The following PRKG1 variants were observed in gnomAD, a reference collection of about 807,000 sequenced individuals.
PRKG1 encodes cGMP-dependent protein kinase 1.
PRKG1 carries 35 observed loss-of-function variants against 88.1 expected under a neutral mutation model. That is an observed-to-expected ratio of 0.40 (90% CI 0.30 to 0.53). The LOEUF is 0.53. Ranked by LOEUF, PRKG1 falls within the 20% of genes least tolerant of loss-of-function variation. The probability of loss-of-function intolerance (pLI) is 0.59; values close to 1 mark genes in which losing one functional copy is unlikely to be tolerated. For missense variants in PRKG1, 540 were observed against 839.8 expected, an observed-to-expected ratio of 0.64 and a Z score of 4.41; for synonymous variants, 303 against 292.5, an observed-to-expected ratio of 1.04 and a Z score of -0.37.
At position 51,417,530 on chromosome 10, in the gene PRKG1, A is replaced by G. The variant is rs530785986; in HGVS notation, c.479-50193A>G. Among the ~76,000 whole-genome samples, 374 of 152,344 alleles carry G rather than the reference A, an allele frequency of 2.5e-3. 1 individual carries two copies. Among genetic ancestry groups the G allele is most frequent in the Non-Finnish European group, 3.9e-3 (263 of 68,038 alleles). Reference sequence around the variant, plus strand: ...CAGGTATGTAGGTATAAAATTCACCACTTCTGTGATTAAGGTCATAAAATG... The same window carrying G: ...CAGGTATGTAGGTATAAAATTCACCGCTTCTGTGATTAAGGTCATAAAATG... On this transcript the variant is annotated intron_variant, in intron 2 of 17. Transcript: ENST00000373980.
intron 2 of PRKG1, among the ~76,000 whole-genome samples, chr10:51,411,649 C>A (rs1267679366): frequency 6.6e-6 from 1 of 152,174 alleles, no homozygotes; most frequent in Non-Finnish European, 1.5e-5. Context: ...AGTTTCTCAG[C>A]AAGCTTCAAG....
At chr10:51,935,215 C>G (rs1057253218) in intron 5 of PRKG1, among the ~76,000 whole-genome samples, 24 of 152,102 alleles carry the variant, frequency 1.6e-4, no homozygotes, top group African/African-American at 5.1e-4. Context: ...ACATCAGCTT[C>G]TAAATCTTAG....
intron 5 of PRKG1, among the ~76,000 whole-genome samples, chr10:52,018,774 C>T (rs2133186682): frequency 6.6e-6 from 1 of 152,244 alleles, no homozygotes; most frequent in South Asian, 2.1e-4. Flanking sequence ...TTGAATTCAA[C>T]TCCATTGAAA....
intron 4 of PRKG1, among the ~76,000 whole-genome samples, chr10:51,817,054 C>T (rs1839605005): frequency 1.3e-5 from 2 of 152,072 alleles, no homozygotes; most frequent in Admixed American, 1.3e-4. Context: ...TTTAATTACA[C>T]AGAATTCTAA....
At chr10:52,018,162 C>T (rs1395564274) in intron 5 of PRKG1, among the ~76,000 whole-genome samples, 1 of 152,038 alleles carries the variant, frequency 6.6e-6, no homozygotes, top group Non-Finnish European at 1.5e-5. Context: ...ATCATGAGTT[C>T]CAGAAACCTA....
intron 2 of PRKG1, among the ~76,000 whole-genome samples, chr10:51,416,070 A>G (rs1291606215): frequency 1.3e-5 from 2 of 152,184 alleles, no homozygotes; most frequent in African/African-American, 4.8e-5. Context: ...AAATGATTGT[A>G]TTATGTATAA....
chr10:51,339,636 A>ATTCC (rs1450659150), intron 2 of PRKG1, among the ~76,000 whole-genome samples: 1 of 151,972 alleles, frequency 6.6e-6, no homozygotes, highest in Non-Finnish European at 1.5e-5. Flanking sequence ...TTATGTGTAT[A>ATTCC]TTCCTTTGCA....
intron 1 of PRKG1, among the ~76,000 whole-genome samples, chr10:50,998,954 C>G (rs1431174988): frequency 6.6e-6 from 1 of 152,194 alleles, no homozygotes; most frequent in African/African-American, 2.4e-5. Context: ...TTTCTCTGCA[C>G]TGCTCACTAA....
intron 3 of PRKG1, among the ~76,000 whole-genome samples, chr10:51,762,868 A>T (rs1838056130): frequency 6.6e-6 from 1 of 152,218 alleles, no homozygotes; most frequent in Admixed American, 6.5e-5. Flanking sequence ...CCTCACAGTG[A>T]TTCATGCAAA....
intron 5 of PRKG1, among the ~76,000 whole-genome samples, chr10:51,988,493 G>A (rs1455476404): frequency 6.6e-6 from 1 of 152,020 alleles, no homozygotes; most frequent in African/African-American, 2.4e-5. Context: ...CAGTAAGTGT[G>A]TGGAAGTTTC....
At chr10:51,467,483 A>G (rs1337125752) in intron 2 of PRKG1, among the ~76,000 whole-genome samples, 2 of 151,862 alleles carry the variant, frequency 1.3e-5, no homozygotes, top group Non-Finnish European at 2.9e-5. Flanking sequence ...TTGTCTCTAT[A>G]TTTTCTTGTT....
chr10:52,291,429 C>G (rs1046949737), intron 17 of PRKG1, among the ~76,000 whole-genome samples: 4 of 132,664 alleles, frequency 3.0e-5, no homozygotes, highest in African/African-American at 1.1e-4. Context: ...CAACAGTCCC[C>G]AGAGTGTGAT....
At chr10:51,444,005 A>G (rs1280594548) in intron 2 of PRKG1, among the ~76,000 whole-genome samples, 1 of 151,896 alleles carries the variant, frequency 6.6e-6, no homozygotes, top group African/African-American at 2.4e-5. Flanking sequence ...CTTCTAGAAA[A>G]ACACTGTTTT....
Position 51,697,706 on chromosome 10 carries a change from G to A in PRKG1, c.593-106879G>A, listed in dbSNP as rs750360488. The A allele has an allele frequency of 8.7e-6, 14 of 1,613,988 alleles. No homozygotes were observed. Among genetic ancestry groups the A allele is most frequent in the East Asian group, 2.2e-5 (1 of 44,878 alleles). ...AATATTTTCTAAAACCTTTCAAGAC[G>A]CTCCAGTGGATTTCTGGATTTGTTC... On this transcript the variant is annotated intron_variant, in intron 3 of 17. Transcript: ENST00000373980.
intron 3 of PRKG1, among the ~76,000 whole-genome samples, chr10:51,770,486 CA>C (rs921915249): frequency 2.2e-4 from 33 of 152,192 alleles, no homozygotes; most frequent in African/African-American, 8.0e-4. Flanking sequence ...AGCTGTAAGA[CA>C]GGGGTACCCA....
chr10:51,622,341 C>G (rs960116633), intron 3 of PRKG1, among the ~76,000 whole-genome samples: 1 of 152,168 alleles, frequency 6.6e-6, no homozygotes, highest in Non-Finnish European at 1.5e-5. Flanking sequence ...TTTACCTTCC[C>G]CAAGAAAGTA....
chr10:52,290,272 A>C lies in PRKG1; in HGVS notation c.1944A>C (p.Thr648=). The C allele has an allele frequency of 6.2e-7, 1 of 1,611,892 alleles. No individual in the cohort carries two copies. Among genetic ancestry groups the C allele is most frequent in the Non-Finnish European group, 8.5e-7 (1 of 1,178,400 alleles). The change falls in exon 17 of 18, where the codon ACA becomes ACC. Residue 648 remains threonine (T), a synonymous_variant. Coordinates refer to ENST00000373980, the MANE Select transcript of PRKG1 (RefSeq NM_006258.4). ...NWEGLRKGTL[T]PPIIPSVASP... Reference sequence around the variant, plus strand: ...AAGGCTTAAGAAAAGGTACCTTGACACCTCCTATAATACCAAGTGTAAGTA... The same window carrying C: ...AAGGCTTAAGAAAAGGTACCTTGACCCCTCCTATAATACCAAGTGTAAGTA...
chr10:52,049,628 T>G (rs879459163), intron 5 of PRKG1, among the ~76,000 whole-genome samples: 2 of 151,920 alleles, frequency 1.3e-5, no homozygotes, highest in Non-Finnish European at 2.9e-5. Flanking sequence ...GGAGACCAGA[T>G]AAGAAGACAT....
intron 2 of PRKG1, among the ~76,000 whole-genome samples, chr10:51,259,543 G>A (rs1839649809): frequency 6.6e-6 from 1 of 152,032 alleles, no homozygotes; most frequent in South Asian, 2.1e-4. Context: ...GCACAATCTT[G>A]GCTCACTGCA....
Sources: allele counts gnomAD v4.1 joint callset (sites outside exome capture counted in the v4.1 genomes callset), GRCh38; gene constraint gnomAD v4.1.1; transcripts MANE v1.5; gene names NCBI Gene and HGNC (gene_info 2026-07-23, HGNC 2026-07-21).